The following CAMSAP3 variants were observed in gnomAD, a reference collection of about 807,000 sequenced individuals.
CAMSAP3 encodes calmodulin regulated spectrin associated protein family member 3.
CAMSAP3 carries 34 observed loss-of-function variants against 112.5 expected under a neutral mutation model. The ratio of observed to expected loss-of-function variants is 0.30; its 90% CI spans 0.23 to 0.40. The LOEUF (loss-of-function observed/expected upper bound fraction) is 0.40, where lower values mean the gene tolerates loss of function less well. Among genes scored for constraint, CAMSAP3 ranks in the 10% least tolerant of loss-of-function variants. CAMSAP3 has a pLI of 1.00. For missense variants in CAMSAP3, 1,602 were observed against 1,770.3 expected, an observed-to-expected ratio of 0.90 and a Z score of 1.71; for synonymous variants, 868 against 799.8, an observed-to-expected ratio of 1.09 and a Z score of -1.44.
chr19:7,605,599 T>G, intron 2 of CAMSAP3, 120 bp downstream of exon 2: 1 of 1,181,118 alleles, frequency 8.5e-7, no homozygotes, highest in Non-Finnish European at 1.1e-6. Context: ...CCTTTCAAGC[T>G]TTGTCGATTA....
rs1437983463 is a variant in CAMSAP3 at position 7,606,559 on chromosome 19, G to A, written c.609G>A (p.Pro203=). Reference sequence around the variant, plus strand: ...CAGCCCCTGCAGACGGGGCGGCCCCGGCGCAGCCCTCGGTGAGGCCAGGGC... The same window carrying A: ...CAGCCCCTGCAGACGGGGCGGCCCCAGCGCAGCCCTCGGTGAGGCCAGGGC... The part of the protein sequence containing the change: ...SPAAPADGAA[P]AQPSIRYRKD... Residue 203 remains proline, a synonymous_variant, in exon 4 of 17, where the codon CCG becomes CCA. Transcript: ENST00000160298. The A allele has an allele frequency of 6.5e-7, 1 of 1,536,178 alleles. No homozygotes were observed. The highest frequency in any genetic ancestry group is 2.0e-5 in the Admixed American group (1 of 51,072).
intron 2 of CAMSAP3, 40 bp downstream of exon 2, chr19:7,605,519 C>T (rs2030168742): frequency 7.0e-7 from 1 of 1,428,220 alleles, no homozygotes; most frequent in Non-Finnish European, 9.1e-7. Context: ...GCCTACCATG[C>T]TCAGCTCCTC....
At chr19:7,614,345 T>C (rs2030671248) in intron 11 of CAMSAP3, among the ~76,000 whole-genome samples, 2 of 146,782 alleles carry the variant, frequency 1.4e-5, no homozygotes, top group Admixed American at 6.9e-5. Flanking sequence ...TGTTTTGTTT[T>C]CTTTTGTTTT....
Position 7,612,164 on chromosome 19 carries a change from C to T in CAMSAP3, c.1671C>T (p.Ala557=). 1 of 1,612,052 alleles carries T rather than the reference C, an allele frequency of 6.2e-7. No individual in the cohort carries two copies. The highest frequency in any genetic ancestry group is 8.5e-7 in the Non-Finnish European group (1 of 1,179,594). Residue 557 remains alanine (A), a synonymous_variant, in exon 11 of 17, where the codon GCC becomes GCT. Transcript: ENST00000160298. ...AGGCGGTGGCTTCGTCCCCAGCAGC[C>T]ACCAACTCCGAGGTGAAAATGACCA... ...SPKAVASSPA[A]TNSEVKMTSF...
Position 7,612,383 on chromosome 19 carries a change from G to A in CAMSAP3, c.1890G>A (p.Gln630=), listed in dbSNP as rs748844548. The A allele has an allele frequency of 6.3e-7, 1 of 1,598,488 alleles. No individual in the cohort carries two copies. Among genetic ancestry groups the A allele is most frequent in the Non-Finnish European group, 8.5e-7 (1 of 1,175,520 alleles). Reference sequence around the variant, plus strand: ...AGGCCATATTCGCCAAGCACCGCCAGCGGCTGGGCAAAAGCGCCTTCCTGC... The same window carrying A: ...AGGCCATATTCGCCAAGCACCGCCAACGGCTGGGCAAAAGCGCCTTCCTGC... ...RIEAIFAKHR[Q]RLGKSAFLQV... is the part of the protein sequence containing the mutation. The change falls in exon 11 of 17, where the codon CAG becomes CAA. Residue 630 remains glutamine (Q), a synonymous_variant. Transcript: ENST00000160298.
chr19:7,617,537 C>G lies in CAMSAP3; in HGVS notation c.3326-6C>G. The G allele has an allele frequency of 6.2e-7, 1 of 1,614,048 alleles. No homozygotes were observed. Among genetic ancestry groups the G allele is most frequent in the African/African-American group, 1.3e-5 (1 of 75,054 alleles). On this transcript the variant is annotated splice_polypyrimidine_tract_variant and splice_region_variant and intron_variant, in intron 15 of 16. Coordinates refer to ENST00000160298, the MANE Select transcript of CAMSAP3 (RefSeq NM_020902.2). This position sits in a 1 kb window ranked among gnomAD's most constrained non-coding sequence, Gnocchi z 7.5. ...CCCCACCCCCTCCCACTGCCTCACC[C>G]TCTAGGTCCACGGCTGTACAAAGAA...
Position 7,611,861 on chromosome 19 carries a change from G to T in CAMSAP3, c.1368G>T (p.Leu456=). 1.3e-6 allele frequency: 2 copies of T among 1,565,880 alleles called. No homozygotes were observed. Among genetic ancestry groups the T allele is most frequent in the South Asian group, 2.4e-5 (2 of 84,628 alleles). ...PTQPPPEPGD[L]PTIEEALQII... ...AGCCACCCCCGGAGCCTGGTGACCT[G>T]CCCACCATCGAGGAAGCTCTGCAGA... The change falls in exon 11 of 17, where the codon CTG becomes CTT. Residue 456 remains leucine (L), a synonymous_variant. Transcript: ENST00000160298. This position sits in a 1 kb window ranked among gnomAD's most constrained non-coding sequence, Gnocchi z 6.9.
chr19:7,610,047 A>G lies in CAMSAP3; in HGVS notation c.761-429A>G, dbSNP rs538393056. On this transcript the variant is annotated intron_variant, in intron 5 of 16. Coordinates refer to ENST00000160298, the MANE Select transcript of CAMSAP3 (RefSeq NM_020902.2). The surrounding 1 kb of genome is among the most constrained non-coding windows in gnomAD (Gnocchi z 4.9). Reference sequence around the variant, plus strand: ...CATATAATTCACCTCGGCCGGGTACAGTGGCTCACGCCTGTAATCCCAGCA... The same window carrying G: ...CATATAATTCACCTCGGCCGGGTACGGTGGCTCACGCCTGTAATCCCAGCA... 2.0e-5 allele frequency among the ~76,000 whole-genome samples: 3 copies of G among 152,208 alleles called. No individual in the cohort carries two copies. The highest frequency in any genetic ancestry group is 4.1e-4 in the South Asian group (2 of 4,822).
rs771113128 is a variant in CAMSAP3, at chr19:7,617,356, A to T, written c.3243A>T (p.Pro1081=). 3 of 1,613,832 alleles carry T rather than the reference A, an allele frequency of 1.9e-6. No individual in the cohort carries two copies. Among genetic ancestry groups the T allele is most frequent in the Non-Finnish European group, 2.5e-6 (3 of 1,179,920 alleles). The change falls in exon 15 of 17, where the codon CCA becomes CCT. Residue 1081 remains proline, a synonymous_variant. Transcript: ENST00000160298. This position sits in a 1 kb window ranked among gnomAD's most constrained non-coding sequence, Gnocchi z 7.5. The part of the protein sequence containing the change: ...RAPSPSGLMS[P]SRLPGSRERD... ...CCTCCCCGTCAGGTCTCATGTCCCC[A>T]AGCCGCCTGCCTGGAAGCCGCGAAC...
Position 7,607,765 on chromosome 19 carries a change from G to T in CAMSAP3, c.622-361G>T, listed in dbSNP as rs924627695. The T allele has an allele frequency of 1.1e-4, 68 of 606,848 alleles. No individual in the cohort carries two copies. The highest frequency in any genetic ancestry group is 2.1e-5 in the Non-Finnish European group (7 of 338,664). The allele number at this position is 606,848 out of a possible 1,614,324, so 37.6% of individuals were successfully genotyped here. ...CCCCTCCCCCCCAAGGTGGGCTTGG[G>T]GGCCCAGCAGGTCAGCACCCCTCCC... On this transcript the variant is annotated intron_variant, in intron 4 of 16. Transcript: ENST00000160298. This position sits in a 1 kb window ranked among gnomAD's most constrained non-coding sequence, Gnocchi z 4.9.
At chr19:7,597,518 C>A (rs2024465021) in intron 1 of CAMSAP3, among the ~76,000 whole-genome samples, 1 of 152,178 alleles carries the variant, frequency 6.6e-6, no homozygotes, top group South Asian at 2.1e-4. Flanking sequence ...AGAAGGCGTT[C>A]ATTCACAGAC....
chr19:7,613,539 G>A (rs1048562862), intron 11 of CAMSAP3, among the ~76,000 whole-genome samples: 7 of 151,292 alleles, frequency 4.6e-5, no homozygotes, highest in African/African-American at 4.9e-5. Context: ...TATGTTTGGG[G>A]GTGAGGGGTT....
chr19:7,603,639 G>A (rs993340486), intron 1 of CAMSAP3, among the ~76,000 whole-genome samples: 4 of 152,124 alleles, frequency 2.6e-5, no homozygotes, highest in African/African-American at 9.7e-5. Context: ...TTGAGGCCAG[G>A]AAATTCGAAA....
intron 1 of CAMSAP3, among the ~76,000 whole-genome samples, chr19:7,602,820 C>G (rs2030027494): frequency 6.6e-6 from 1 of 151,172 alleles, no homozygotes; most frequent in Non-Finnish European, 1.5e-5. Flanking sequence ...GCACTGGGCA[C>G]AGAGCCCAGG....
chr19:7,603,314 A>G (rs1459423442), intron 1 of CAMSAP3, among the ~76,000 whole-genome samples: 1 of 150,778 alleles, frequency 6.6e-6, no homozygotes, highest in Non-Finnish European at 1.5e-5. Context: ...TCCCAGATTT[A>G]AGCGATTCTC....
At position 7,611,239 on chromosome 19, in the gene CAMSAP3, G is replaced by C. The variant is rs2030470294; in HGVS notation, c.1123+71G>C. ...CACAGACTGCCCCAGTGGGCCTCAT[G>C]TTGTCTCCTCGTGAGCCTTCCAATA... On this transcript the variant is annotated intron_variant, in intron 9 of 16. Transcript: ENST00000160298. The surrounding 1 kb of genome is among the most constrained non-coding windows in gnomAD (Gnocchi z 6.9). The C allele has an allele frequency of 6.8e-7, 1 of 1,468,716 alleles. No homozygotes were observed. The highest frequency in any genetic ancestry group is 1.4e-5 in the African/African-American group (1 of 71,984). 91.0% of individuals were successfully genotyped at this position (1,468,716 alleles called of 1,614,324 possible). A position where few individuals can be genotyped will look rare whatever the true frequency, so the allele number is the denominator to read the frequency against.
chr19:7,613,482 G>A (rs2030618928), intron 11 of CAMSAP3, among the ~76,000 whole-genome samples: 1 of 151,382 alleles, frequency 6.6e-6, no homozygotes, highest in Admixed American at 6.6e-5. Flanking sequence ...GGGGTGCAGT[G>A]GGGTGAGAGG....
Position 7,611,090 on chromosome 19 carries a change from T to C in CAMSAP3, c.1050-5T>C, listed in dbSNP as rs1176662854. On this transcript the variant is annotated splice_region_variant and splice_polypyrimidine_tract_variant and intron_variant, in intron 8 of 16. Coordinates refer to ENST00000160298, the MANE Select transcript of CAMSAP3 (RefSeq NM_020902.2). This position sits in a 1 kb window ranked among gnomAD's most constrained non-coding sequence, Gnocchi z 6.9. ...CCTGAGGCTGAAGTACGTCTCTCCG[T>C]ACAGTTCTCCTGTCTTCACCTTCCG... 1.2e-6 allele frequency: 2 copies of C among 1,613,578 alleles called. No individual in the cohort carries two copies. The highest frequency in any genetic ancestry group is 1.7e-5 in the Admixed American group (1 of 60,000).
intron 1 of CAMSAP3, among the ~76,000 whole-genome samples, chr19:7,599,963 T>C (rs1445087107): frequency 6.8e-4 from 1 of 1,478 alleles, no homozygotes; most frequent in African/African-American, 3.5e-3. Context: ...ACCCACCCAC[T>C]CATCCACCCA....
Sources: gnomAD v4.1 joint callset for allele counts (sites outside exome capture counted in the v4.1 genomes callset) on GRCh38, gnomAD v4.1.1 for gene constraint, Gnocchi (gnomAD v3.1) non-coding constraint, MANE v1.5 for transcripts, NCBI Gene and HGNC (gene_info 2026-07-23, HGNC 2026-07-21) for gene names.